The following KIF13B variants were observed in gnomAD, a reference collection of about 807,000 sequenced individuals.
The protein encoded by KIF13B is kinesin-like protein KIF13B.
A neutral mutation model predicts 222.0 loss-of-function variants in KIF13B; 127 were observed. The observed-to-expected ratio is 0.57, with a 90% CI of 0.50 to 0.66. The LOEUF is 0.66. KIF13B is among the 30% of genes least tolerant of loss of function. The probability of loss-of-function intolerance (pLI) is 0.00; values close to 1 mark genes in which losing one functional copy is unlikely to be tolerated. For missense variants in KIF13B, 2,173 were observed against 2,379.0 expected (o/e 0.91, Z 1.80); for synonymous variants, 976 against 919.0 (o/e 1.06, Z -1.12).
chr8:29,071,922 G>A lies in KIF13B; in HGVS notation c.4916C>T (p.Ala1639Val). Residue 1639 changes from alanine to valine, a missense_variant, in exon 39 of 40, where the codon GCC becomes GTC. Physicochemically the swap from Ala to Val is moderately conservative, Grantham distance 64 (BLOSUM62 0). Coordinates refer to ENST00000524189, the MANE Select transcript of KIF13B (RefSeq NM_015254.4). This position sits in a 1 kb window ranked among gnomAD's most constrained non-coding sequence, Gnocchi z 4.9. ...SPGRERPDLE[A>V]PAPGSPFRVR... The stretch of plus-strand genomic sequence containing the variant: ...GCGGAACGGGGAGCCGGGCGCCGGG[G>A]CCTCGAGGTCGGGGCGCTCCCGACC... The A allele has an allele frequency of 7.0e-7, 1 of 1,436,754 alleles. No individual in the cohort carries two copies. Among genetic ancestry groups the A allele is most frequent in the Non-Finnish European group, 9.0e-7 (1 of 1,107,266 alleles). The allele number at this position is 1,436,754 out of a possible 1,614,324, so 89.0% of individuals were successfully genotyped here. A position where few individuals can be genotyped will look rare whatever the true frequency, so the allele number is the denominator to read the frequency against.
At chr8:29,221,618 A>G (rs543071047) in intron 2 of KIF13B, among the ~76,000 whole-genome samples, 1 of 152,364 alleles carries the variant, frequency 6.6e-6, no homozygotes, top group South Asian at 2.1e-4. Context: ...TTTTAATATG[A>G]ATCTTAATTA....
At chr8:29,123,834 G>A (rs1809987727) in intron 27 of KIF13B, among the ~76,000 whole-genome samples, 190 bp downstream of exon 27, 1 of 152,082 alleles carries the variant, frequency 6.6e-6, no homozygotes. Flanking sequence ...GGGGGTGGGA[G>A]GAAGACCTCC....
rs185697784 is a variant in KIF13B, at chr8:29,123,245, A to C, written c.3479+121T>G. 86 of 1,115,822 alleles carry C rather than the reference A, an allele frequency of 7.7e-5. No individual in the cohort carries two copies. In the East Asian group the frequency reaches 1.4e-3, roughly 18 times the overall value. The allele number at this position is 1,115,822 out of a possible 1,614,324, so 69.1% of individuals were successfully genotyped here. The stretch of plus-strand genomic sequence containing the variant: ...ATAATTTAACAGTTCCTTTAATTTA[A>C]ACAACATTTCCCCCCATGCTATTGA... On this transcript the variant is annotated intron_variant, in intron 28 of 39. Coordinates refer to ENST00000524189, the MANE Select transcript of KIF13B (RefSeq NM_015254.4).
In KIF13B at chr8:29,249,081, T is replaced by C. The variant is rs188153933; in HGVS notation, c.56-3642A>G. Among the ~76,000 whole-genome samples the C allele has an allele frequency of 2.3e-3, 347 of 152,350 alleles. 2 individuals carry two copies. The highest frequency in any genetic ancestry group is 6.8e-3 in the Middle Eastern group (2 of 294). Reference sequence around the variant, plus strand: ...ATCCTCTCATATTCTTATATTCTTATATTTTTCTGAACCAAAGTATGAAAC... The same window carrying C: ...ATCCTCTCATATTCTTATATTCTTACATTTTTCTGAACCAAAGTATGAAAC... On this transcript the variant is annotated intron_variant, in intron 1 of 39. Transcript: ENST00000524189.
At chr8:29,229,092 A>AAAAAAAAAAAAAAAAG (rs1815169997) in intron 2 of KIF13B, among the ~76,000 whole-genome samples, 1 of 150,598 alleles carries the variant, frequency 6.6e-6, no homozygotes, top group Non-Finnish European at 1.5e-5. Flanking sequence ...CAGCTTTAAA[A>AAAAAAAAAAAAAAAAG]AAAAAAAAAA....
At chr8:29,081,681 T>C (rs1221558170) in intron 37 of KIF13B, among the ~76,000 whole-genome samples, 1 of 152,252 alleles carries the variant, frequency 6.6e-6, no homozygotes, top group Non-Finnish European at 1.5e-5. Context: ...TTAAAATTAA[T>C]CTGACCTGTA....
intron 1 of KIF13B, among the ~76,000 whole-genome samples, chr8:29,254,743 C>T (rs1563830795): frequency 6.6e-6 from 1 of 152,140 alleles, no homozygotes; most frequent in African/African-American, 2.4e-5. Context: ...AACAGTTCCT[C>T]AAAAGTTAGT....
chr8:29,237,318 CCTAAA>C (rs1233028720), intron 2 of KIF13B, among the ~76,000 whole-genome samples: 1 of 151,778 alleles, frequency 6.6e-6, no homozygotes, highest in South Asian at 2.1e-4. Context: ...CTGGTAGTTG[CCTAAA>C]CTGTGTTCAT....
chr8:29,194,194 T>G (rs868745363), intron 3 of KIF13B, among the ~76,000 whole-genome samples: 1 of 152,026 alleles, frequency 6.6e-6, no homozygotes, highest in Admixed American at 6.5e-5. Context: ...CTGTGGTTGG[T>G]TGAACCACAG....
intron 2 of KIF13B, among the ~76,000 whole-genome samples, chr8:29,228,746 T>C (rs980630071): frequency 6.6e-6 from 1 of 151,942 alleles, no homozygotes; most frequent in Non-Finnish European, 1.5e-5. Flanking sequence ...TGCTTGCTAA[T>C]AAAGATGCAG....
intron 2 of KIF13B, among the ~76,000 whole-genome samples, chr8:29,222,872 ATAT>A (rs567643843): frequency 7.9e-4 from 121 of 152,226 alleles, no homozygotes; most frequent in African/African-American, 2.7e-3. Context: ...TGACAAAGTA[ATAT>A]TATGTGACAT....
chr8:29,070,626 C>T lies in KIF13B; in HGVS notation c.5359G>A (p.Glu1787Lys), dbSNP rs757524983. 6.2e-5 allele frequency: 97 copies of T among 1,574,916 alleles called. No individual in the cohort carries two copies. Among genetic ancestry groups the T allele is most frequent in the Non-Finnish European group, 7.9e-5 (92 of 1,160,136 alleles). ...GAGAGGGTGGCGCTCCGGCGGGCCT[C>T]GGGGGCACCCAGCCGGAGTCCTGTG... ...RSTGLRLGAP[E>K]ARRSATLSGS... is the part of the protein sequence containing the mutation. The change falls in exon 40 of 40, where the codon GAG (glutamate) becomes AAG (lysine). Residue 1787 changes from glutamate (E) to lysine (K), a missense_variant. Coordinates refer to ENST00000524189, the MANE Select transcript of KIF13B (RefSeq NM_015254.4). This position sits in a 1 kb window ranked among gnomAD's most constrained non-coding sequence, Gnocchi z 4.1.
At chr8:29,105,918 C>T (rs921719398) in intron 35 of KIF13B, among the ~76,000 whole-genome samples, 1 of 151,970 alleles carries the variant, frequency 6.6e-6, no homozygotes, top group Non-Finnish European at 1.5e-5. Flanking sequence ...CTCAACCTCC[C>T]AAAGTGCTGG....
chr8:29,228,706 AG>A lies in KIF13B; in HGVS notation c.149+16639del, dbSNP rs566200681. Among the ~76,000 whole-genome samples, 84 of 152,156 alleles carry A rather than the reference AG, an allele frequency of 5.5e-4. 1 individual carries two copies. The East Asian group carries it at 8.1e-3, about 15-fold the overall frequency. ...AGAGCTGTGGCTTCACTGAGCTTACAGGAACAGGTGGCATGACCAATGCTGT... is the reference window on the plus strand; with the variant it reads ...AGAGCTGTGGCTTCACTGAGCTTACAGAACAGGTGGCATGACCAATGCTGT... On this transcript the variant is annotated intron_variant, in intron 2 of 39. Coordinates refer to ENST00000524189, the MANE Select transcript of KIF13B (RefSeq NM_015254.4).
chr8:29,169,903 T>C (rs1003617029), intron 10 of KIF13B, among the ~76,000 whole-genome samples: 1 of 152,232 alleles, frequency 6.6e-6, no homozygotes. Flanking sequence ...GAACAGCAAA[T>C]GCTCTCAGCT....
At chr8:29,163,938 A>G (rs73558594) in intron 12 of KIF13B, among the ~76,000 whole-genome samples, 7,184 of 152,268 alleles carry the variant, frequency 0.047, 362 homozygotes, top group African/African-American at 0.12. Context: ...ATGACTTATA[A>G]TTTATAAAAA....
chr8:29,089,403 C>T (rs1808189743), intron 37 of KIF13B, among the ~76,000 whole-genome samples: 1 of 152,188 alleles, frequency 6.6e-6, no homozygotes, highest in African/African-American at 2.4e-5. Context: ...CGCACCACTG[C>T]ACTCCAGACT....
At chr8:29,100,513 G>A (rs1412055069) in intron 35 of KIF13B, among the ~76,000 whole-genome samples, 1 of 151,374 alleles carries the variant, frequency 6.6e-6, no homozygotes, top group Non-Finnish European at 1.5e-5. Context: ...GCGCAATCTC[G>A]GCTCACCGCA....
intron 22 of KIF13B, among the ~76,000 whole-genome samples, chr8:29,132,811 A>G (rs1007362010): frequency 7.9e-5 from 12 of 152,366 alleles, no homozygotes; most frequent in Admixed American, 5.9e-4. Flanking sequence ...GTGTTGATAT[A>G]AAAGTTATAT....
Sources: gnomAD v4.1 joint callset for allele counts (sites outside exome capture counted in the v4.1 genomes callset) on GRCh38, gnomAD v4.1.1 for gene constraint, Gnocchi (gnomAD v3.1) non-coding constraint, MANE v1.5 for transcripts, NCBI Gene and HGNC (gene_info 2026-07-23, HGNC 2026-07-21) for gene names.